SLC9C1: variants seen among roughly 807,000 people sequenced by gnomAD.
SLC9C1 encodes the protein sodium/hydrogen exchanger 10.
A neutral mutation model predicts 140.9 loss-of-function variants in SLC9C1; 97 were observed. That is an observed-to-expected ratio of 0.69 (90% confidence interval 0.58 to 0.82). The LOEUF (loss-of-function observed/expected upper bound fraction) is 0.82, where lower values mean the gene tolerates loss of function less well. Ranked by LOEUF, SLC9C1 falls within the 40% of genes least tolerant of loss-of-function variation. SLC9C1 has a pLI of 0.00. For missense variants in SLC9C1, 1,340 were observed against 1,389.3 expected (o/e 0.96, Z 0.56); for synonymous variants, 440 against 442.6 (o/e 0.99, Z 0.07).
At chr3:112,254,423 G>T (rs1283634223) in intron 10 of SLC9C1, among the ~76,000 whole-genome samples, 1 of 152,142 alleles carries the variant, frequency 6.6e-6, no homozygotes, top group African/African-American at 2.4e-5. Flanking sequence ...GAAGTGACTG[G>T]GGGCTTATAT....
rs115503234 is a variant in SLC9C1 at position 112,153,138 on chromosome 3, C to T, written c.3418-1175G>A. Among the ~76,000 whole-genome samples the T allele has an allele frequency of 6.2e-3, 946 of 152,258 alleles. 14 individuals are homozygous for T. Among genetic ancestry groups the T allele is most frequent in the African/African-American group, 0.022 (906 of 41,552 alleles). ...TAACTGCAGGGAGAAGAAGCATCTA[C>T]TAAACAACACAATTTGATGATTTTC... is the stretch of plus-strand genomic sequence containing the variant. On this transcript the variant is annotated intron_variant, in intron 27 of 28. Transcript: ENST00000305815.
chr3:112,208,218 T>C lies in SLC9C1; in HGVS notation c.1946A>G (p.Tyr649Cys), dbSNP rs1200464948. ...IYHSELKHTN[Y>C]CFLTLYILEA... ...TAGAATATAAAGTGTAAGAAAACAG[T>C]AGTTAGTGTGTTTTAATTCGCTGTG... The change falls in exon 16 of 29, where the codon TAC becomes TGC. Residue 649 changes from tyrosine (Y) to cysteine (C), a missense_variant. Tyr to Cys is a radical substitution (Grantham distance 194, BLOSUM62 -2). Transcript: ENST00000305815. 3 of 1,609,996 alleles carry C rather than the reference T, an allele frequency of 1.9e-6. No individual in the cohort carries two copies. In the South Asian group the frequency reaches 3.3e-5, roughly 18 times the overall value.
chr3:112,247,623 C>T (rs149972936), intron 10 of SLC9C1, among the ~76,000 whole-genome samples: 140 of 152,272 alleles, frequency 9.2e-4, no homozygotes, highest in Middle Eastern at 3.4e-3. Flanking sequence ...ACTAACTACA[C>T]CAGGCTAAGT....
At chr3:112,179,228 A>G (rs539590596) in intron 23 of SLC9C1, among the ~76,000 whole-genome samples, 3 of 152,084 alleles carry the variant, frequency 2.0e-5, no homozygotes, top group Non-Finnish European at 4.4e-5. Flanking sequence ...CCCCTTTCTC[A>G]TCTTTCAAAT....
intron 26 of SLC9C1, among the ~76,000 whole-genome samples, chr3:112,158,622 C>A (rs2075194923): frequency 6.6e-6 from 1 of 151,844 alleles, no homozygotes; most frequent in East Asian, 1.9e-4. Context: ...ATATTCATTA[C>A]AATTCAGTAG....
Position 112,244,092 on chromosome 3 carries a change from AT to A in SLC9C1, c.1198-17del, listed in dbSNP as rs2108230810. Reference sequence around the variant, plus strand: ...GAAATAATATCTAGAATTGAAAAAAATACAAAGTAAGTATTCATGACAATTT... The same window carrying A: ...GAAATAATATCTAGAATTGAAAAAAAACAAAGTAAGTATTCATGACAATTT... On this transcript the variant is annotated splice_polypyrimidine_tract_variant and intron_variant, in intron 10 of 28. Coordinates refer to ENST00000305815, the MANE Select transcript of SLC9C1 (RefSeq NM_183061.3). 1 of 1,506,638 alleles carries A rather than the reference AT, an allele frequency of 6.6e-7. No individual in the cohort carries two copies. The highest frequency in any genetic ancestry group is 1.4e-5 in the African/African-American group (1 of 72,124). The allele number at this position is 1,506,638 out of a possible 1,614,324, so 93.3% of individuals were successfully genotyped here.
chr3:112,275,902 C>T (rs1001114685), intron 5 of SLC9C1, among the ~76,000 whole-genome samples: 1 of 151,694 alleles, frequency 6.6e-6, no homozygotes, highest in Non-Finnish European at 1.5e-5. Context: ...TTATGAGACT[C>T]GATGAGAGCA....
intron 10 of SLC9C1, among the ~76,000 whole-genome samples, chr3:112,246,822 A>G (rs556196441): frequency 3.9e-5 from 6 of 152,292 alleles, no homozygotes; most frequent in Non-Finnish European, 7.4e-5. Flanking sequence ...GTTTCAGGAA[A>G]AGAGCTTAAA....
chr3:112,256,186 C>CA (rs1388941421), intron 10 of SLC9C1, among the ~76,000 whole-genome samples: 2 of 151,942 alleles, frequency 1.3e-5, no homozygotes, highest in Non-Finnish European at 2.9e-5. Flanking sequence ...TAAACTATTC[C>CA]AAAAAATGGA....
At chr3:112,266,175 T>C in intron 8 of SLC9C1, 63 bp downstream of exon 8, 1 of 1,180,730 alleles carries the variant, frequency 8.5e-7, no homozygotes, top group South Asian at 1.4e-5. Context: ...GTAGATATTG[T>C]TACTATTATA....
rs1018831675 is a variant in SLC9C1 at position 112,247,951 on chromosome 3, G to A, written c.1198-3875C>T. On this transcript the variant is annotated intron_variant, in intron 10 of 28. Coordinates refer to ENST00000305815, the MANE Select transcript of SLC9C1 (RefSeq NM_183061.3). Reference sequence around the variant, plus strand: ...GATATTACTTAGTCATCTTAAATATGGACTAGACGTATTGACTCACTTCTA... The same window carrying A: ...GATATTACTTAGTCATCTTAAATATAGACTAGACGTATTGACTCACTTCTA... 2.6e-5 allele frequency among the ~76,000 whole-genome samples: 4 copies of A among 151,638 alleles called. No individual in the cohort carries two copies. In the East Asian group the frequency reaches 7.8e-4, roughly 29 times the overall value.
chr3:112,196,915 G>A (rs2077780895), intron 20 of SLC9C1, among the ~76,000 whole-genome samples: 1 of 150,440 alleles, frequency 6.6e-6, no homozygotes, highest in Non-Finnish European at 1.5e-5. Flanking sequence ...TTTTTCTTTT[G>A]AATGGGCAAT....
intron 13 of SLC9C1, among the ~76,000 whole-genome samples, chr3:112,227,396 T>C (rs1428703140): frequency 3.9e-5 from 6 of 152,036 alleles, no homozygotes; most frequent in Non-Finnish European, 8.8e-5. Flanking sequence ...TACACTATGA[T>C]CAAGTGGGAT....
At chr3:112,202,516 C>A in intron 17 of SLC9C1, 117 bp from the exon 18 acceptor site, 7 of 961,502 alleles carry the variant, frequency 7.3e-6, no homozygotes, top group Non-Finnish European at 9.0e-6. Flanking sequence ...AAGGTAACTA[C>A]AATAACCTGT....
At chr3:112,214,519 A>G (rs1347561518) in intron 15 of SLC9C1, among the ~76,000 whole-genome samples, 2 of 152,246 alleles carry the variant, frequency 1.3e-5, no homozygotes, top group East Asian at 3.8e-4. Flanking sequence ...AAAAAATGAT[A>G]AAGGGGATAT....
At chr3:112,159,834 G>A (rs2107880468) in intron 26 of SLC9C1, among the ~76,000 whole-genome samples, 1 of 151,414 alleles carries the variant, frequency 6.6e-6, no homozygotes, top group South Asian at 2.1e-4. Flanking sequence ...TCTTTTTTTG[G>A]TAAAGATTTC....
At position 112,240,023 on chromosome 3, in the gene SLC9C1, C is replaced by T. The variant is rs780833393; in HGVS notation, c.1280-17G>A. On this transcript the variant is annotated splice_polypyrimidine_tract_variant and intron_variant, in intron 11 of 28. Transcript: ENST00000305815. The stretch of plus-strand genomic sequence containing the variant: ...CACGAAGACCTTTGATACAAACACA[C>T]ATTTGATAAATAGTAGAAACACCAC... 3.1e-6 allele frequency: 5 copies of T among 1,594,544 alleles called. No homozygotes were observed. The highest frequency in any genetic ancestry group is 4.3e-6 in the Non-Finnish European group (5 of 1,169,710).
At chr3:112,265,685 C>T (rs1167452040) in intron 8 of SLC9C1, among the ~76,000 whole-genome samples, 1 of 152,062 alleles carries the variant, frequency 6.6e-6, no homozygotes, top group Non-Finnish European at 1.5e-5. Context: ...TTCCCTTGAG[C>T]AAGGCACAAT....
chr3:112,286,667 G>T (rs754837617), intron 2 of SLC9C1, 37 bp downstream of exon 2: 3 of 1,514,756 alleles, frequency 2.0e-6, no homozygotes, highest in South Asian at 1.2e-5. Context: ...AGATGTACCG[G>T]AAGAATAAAC....
Sources: allele counts gnomAD v4.1 joint callset (sites outside exome capture counted in the v4.1 genomes callset), GRCh38; gene constraint gnomAD v4.1.1; transcripts MANE v1.5; gene names NCBI Gene and HGNC (gene_info 2026-07-23, HGNC 2026-07-21).